The following NFATC2 variants were observed in gnomAD, a reference collection of about 807,000 sequenced individuals.
NFATC2 encodes the protein nuclear factor of activated T cells 2.
Under a neutral mutation model 87.3 loss-of-function variants are expected in NFATC2, and 22 were observed. The observed-to-expected ratio is 0.25, with a 90% CI of 0.18 to 0.36. The LOEUF is 0.36. NFATC2 is among the 10% of genes least tolerant of loss of function. The pLI, the probability that NFATC2 is intolerant of heterozygous loss-of-function variation, is 1.00. For missense variants in NFATC2, 1,149 were observed against 1,259.1 expected (o/e 0.91, Z 1.32); for synonymous variants, 565 against 542.2 (o/e 1.04, Z -0.58).
chr20:51,496,132 C>A (rs1215424160), intron 3 of NFATC2, among the ~76,000 whole-genome samples: 1 of 152,094 alleles, frequency 6.6e-6, no homozygotes, highest in Non-Finnish European at 1.5e-5. Flanking sequence ...GGTGCTGAGA[C>A]CCCATGCGGG....
intron 3 of NFATC2, among the ~76,000 whole-genome samples, chr20:51,511,619 C>T (rs1484869242): frequency 6.6e-6 from 1 of 152,238 alleles, no homozygotes; most frequent in Non-Finnish European, 1.5e-5. Flanking sequence ...ACCGAACCAT[C>T]CACTCAGTTG....
At chr20:51,469,365 T>C (rs1001011289) in intron 5 of NFATC2, among the ~76,000 whole-genome samples, 16 of 151,988 alleles carry the variant, frequency 1.1e-4, no homozygotes, top group African/African-American at 3.9e-4. Context: ...TAACATACAG[T>C]CAAGTTTGAG....
chr20:51,562,446 G>T lies in NFATC2; in HGVS notation c.70+114C>A. 2.1e-6 allele frequency: 2 copies of T among 957,564 alleles called. No individual in the cohort carries two copies. Among genetic ancestry groups the T allele is most frequent in the Non-Finnish European group, 1.6e-6 (1 of 640,268 alleles). The allele number at this position is 957,564 out of a possible 1,614,324, so 59.3% of individuals were successfully genotyped here. On this transcript the variant is annotated intron_variant, in intron 1 of 10. Transcript: ENST00000414705. The surrounding 1 kb of genome is among the most constrained non-coding windows in gnomAD (Gnocchi z 5.8). Reference sequence around the variant, plus strand: ...GCGCCGAGGGCGAGCGGGGTCCCCAGGCCTCCCGCACCGACCTCTGCCGGG... The same window carrying T: ...GCGCCGAGGGCGAGCGGGGTCCCCATGCCTCCCGCACCGACCTCTGCCGGG...
At chr20:51,484,187 A>G (rs1989513339) in intron 3 of NFATC2, among the ~76,000 whole-genome samples, 1 of 150,744 alleles carries the variant, frequency 6.6e-6, no homozygotes, top group South Asian at 2.1e-4. Flanking sequence ...CCGTCCCTGC[A>G]TCCCAACACT....
At chr20:51,548,557 A>C (rs1054091995) in intron 1 of NFATC2, among the ~76,000 whole-genome samples, 1 of 152,238 alleles carries the variant, frequency 6.6e-6, no homozygotes, top group Non-Finnish European at 1.5e-5. Flanking sequence ...TGCTTTTCTT[A>C]GTAGAAGAAG....
At chr20:51,543,975 A>ATTTTTTTTTTTTTTT (rs11473264), upstream of NFATC2, among the ~76,000 whole-genome samples, 162 of 72,976 alleles carry the variant, frequency 2.2e-3, 23 homozygotes, top group Non-Finnish European at 2.8e-3. Context: ...AGAATTCCTA[A>ATTTTTTTTTTTTTTT]TTTTTTTTTT....
intron 3 of NFATC2, among the ~76,000 whole-genome samples, chr20:51,515,921 A>G (rs2076344093): frequency 5.3e-5 from 8 of 152,194 alleles, no homozygotes; most frequent in Admixed American, 5.2e-4. Context: ...CACACTATAG[A>G]TTAAGAACCA....
chr20:51,531,614 G>T (rs2076634927), intron 1 of NFATC2, among the ~76,000 whole-genome samples: 2 of 152,160 alleles, frequency 1.3e-5, no homozygotes, highest in Admixed American at 1.3e-4. Context: ...CCCACCCCCG[G>T]CTGTGAGACT....
chr20:51,432,382 T>G lies in NFATC2; in HGVS notation c.2407A>C (p.Thr803Pro), dbSNP rs1982867606. The change falls in exon 9 of 11, where the codon ACC becomes CCC. Residue 803 changes from threonine to proline, a missense_variant. Thr to Pro is a conservative substitution (Grantham distance 38). Around this residue, in one of 3 missense-constraint regions of NFATC2, gnomAD observed 581 missense variants for 649.7 expected, o/e 0.89. Coordinates refer to ENST00000371564, the MANE Select transcript of NFATC2 (RefSeq NM_012340.5). The surrounding 1 kb of genome is among the most constrained non-coding windows in gnomAD (Gnocchi z 4.6). ...ATCACAGGCGAGGCCTGCTGGTTGG[T>G]CGGAGAGGGGTGGAGCAGGGCTGAG... ...QSSALLHPSP[T>P]NQQASPVIHY... 6.2e-7 allele frequency: 1 copy of G among 1,610,704 alleles called. No individual in the cohort carries two copies.
chr20:51,391,465 G>C lies in NFATC2; in HGVS notation c.*45-14C>G, dbSNP rs752832699. ...TAATTTCATTAACTACAAAAGAAAA[G>C]AGGAGGGGGGGGGAGAGAGAATGGG... On this transcript the variant is annotated splice_polypyrimidine_tract_variant and intron_variant, in intron 10 of 10. Transcript: ENST00000371564. The C allele has an allele frequency of 8.2e-7, 1 of 1,219,052 alleles. No homozygotes were observed. The highest frequency in any genetic ancestry group is 1.1e-6 in the Non-Finnish European group (1 of 889,586). The allele number at this position is 1,219,052 out of a possible 1,614,324, so 75.5% of individuals were successfully genotyped here.
At chr20:51,464,090 C>T (rs114211218) in intron 5 of NFATC2, among the ~76,000 whole-genome samples, 3,512 of 152,272 alleles carry the variant, frequency 0.023, 129 homozygotes, top group African/African-American at 0.079. Context: ...GCTGTCTGCT[C>T]GACTCTCCTC....
chr20:51,482,900 A>G (rs766531413), intron 3 of NFATC2, among the ~76,000 whole-genome samples: 6 of 152,180 alleles, frequency 3.9e-5, no homozygotes, highest in Non-Finnish European at 7.3e-5. Context: ...GCTTTATGAG[A>G]ATCTCAAAGA....
intron 1 of NFATC2, among the ~76,000 whole-genome samples, chr20:51,553,532 G>T (rs1296402149): frequency 3.3e-5 from 5 of 151,952 alleles, no homozygotes; most frequent in Non-Finnish European, 7.4e-5. Context: ...AAAATTAGCC[G>T]GGCATGGTGG....
In NFATC2 at chr20:51,523,560, G is replaced by C. The variant is rs889829465; in HGVS notation, c.681C>G (p.Ala227=). ...SPIMSPRTSL[A]EDSCLGRHSP... is the part of the protein sequence containing the mutation. The stretch of plus-strand genomic sequence containing the variant: ...AGTGGCGGCCCAGGCAGCTGTCCTC[G>C]GCGAGGCTGGTTCGAGGTGACATTA... Residue 227 remains alanine (A), a synonymous_variant, in exon 2 of 11, where the codon GCC becomes GCG. Coordinates refer to ENST00000371564, the MANE Select transcript of NFATC2 (RefSeq NM_012340.5). This position sits in a 1 kb window ranked among gnomAD's most constrained non-coding sequence, Gnocchi z 6.9. The C allele has an allele frequency of 2.5e-6, 4 of 1,613,668 alleles. No individual in the cohort carries two copies. The Admixed American group carries it at 6.7e-5, about 27-fold the overall frequency.
chr20:51,551,767 C>T (rs894669888), intron 1 of NFATC2, among the ~76,000 whole-genome samples: 7 of 152,052 alleles, frequency 4.6e-5, no homozygotes, highest in East Asian at 3.9e-4. Context: ...GTGGCTCATG[C>T]CTGTAATCCC....
Position 51,523,166 on chromosome 20 carries a change from C to G in NFATC2, c.1075G>C (p.Glu359Gln), listed in dbSNP as rs2076477441. Residue 359 changes from glutamate to glutamine, a missense_variant, in exon 2 of 11, where the codon GAG (glutamate) becomes CAG (glutamine). Glu to Gln is a conservative substitution (Grantham distance 29). Transcript: ENST00000371564. This position sits in a 1 kb window ranked among gnomAD's most constrained non-coding sequence, Gnocchi z 6.9. ...GATTCTGGAGCCGAGTTTCTCCTCT[C>G]GCCCTGCTCGCAGGGCCCCAGGAAC... is the stretch of plus-strand genomic sequence containing the variant. ...VEFLGPCEQGERRNSAPESIL... is the reference protein window; with the variant it reads ...VEFLGPCEQGQRRNSAPESIL... 3.1e-6 allele frequency: 5 copies of G among 1,614,236 alleles called. No homozygotes were observed. The highest frequency in any genetic ancestry group is 4.2e-6 in the Non-Finnish European group (5 of 1,180,052).
intron 1 of NFATC2, among the ~76,000 whole-genome samples, chr20:51,529,923 C>T (rs913421337): frequency 1.3e-5 from 2 of 152,130 alleles, no homozygotes; most frequent in South Asian, 2.1e-4. Context: ...TATACAGCCC[C>T]GCCCCCGCCA....
At chr20:51,539,218 C>T (rs1225767022) in intron 1 of NFATC2, among the ~76,000 whole-genome samples, 6 of 152,302 alleles carry the variant, frequency 3.9e-5, no homozygotes, top group African/African-American at 9.6e-5. Context: ...CAATGTCTGC[C>T]CCATTAGCAG....
In NFATC2 at chr20:51,463,494, C is replaced by T. The variant is rs1987358269; in HGVS notation, c.1709-8806G>A. Among the ~76,000 whole-genome samples, 3 of 152,320 alleles carry T rather than the reference C, an allele frequency of 2.0e-5. No homozygotes were observed. The South Asian group carries it at 6.2e-4, about 32-fold the overall frequency. The stretch of plus-strand genomic sequence containing the variant: ...CATCAGGGAGAGTAGGAGCTGCTGT[C>T]TCTCCTCCCATCAGATCATTACTCT... On this transcript the variant is annotated intron_variant, in intron 5 of 10. Coordinates refer to ENST00000371564, the MANE Select transcript of NFATC2 (RefSeq NM_012340.5).
Sources: gnomAD v4.1 joint callset for allele counts (sites outside exome capture counted in the v4.1 genomes callset) on GRCh38, gnomAD v4.1.1 for gene constraint, gnomAD v4.1.1 regional missense constraint, Gnocchi (gnomAD v3.1) non-coding constraint, MANE v1.5 for transcripts, NCBI Gene and HGNC (gene_info 2026-07-23, HGNC 2026-07-21) for gene names.